The following DOCK3 variants were observed in gnomAD, a reference collection of about 807,000 sequenced individuals.
DOCK3 encodes dedicator of cytokinesis protein 3.
In DOCK3, 60 loss-of-function variants were observed where a neutral mutation model predicts 265.6. The observed-to-expected ratio is 0.23, with a 90% confidence interval of 0.18 to 0.28. The LOEUF (loss-of-function observed/expected upper bound fraction) is 0.28. Among genes scored for constraint, DOCK3 ranks in the 10% least tolerant of loss-of-function variants. The pLI is 1.00. For synonymous variants in DOCK3, 881 were observed against 938.0 expected (o/e 0.94, Z 1.11); for missense variants, 1,981 against 2,594.3 (o/e 0.76, Z 5.14).
At chr3:50,704,049 G>C (rs1470750775) in intron 1 of DOCK3, among the ~76,000 whole-genome samples, 1 of 151,842 alleles carries the variant, frequency 6.6e-6, no homozygotes, top group African/African-American at 2.4e-5. Context: ...GATCATTCAG[G>C]AACATGTTGT....
intron 22 of DOCK3, among the ~76,000 whole-genome samples, chr3:51,250,270 A>T (rs962170508): frequency 6.0e-3 from 8 of 1,334 alleles, no homozygotes; most frequent in Non-Finnish European, 9.7e-3. Flanking sequence ...AATGATCAAT[A>T]AAAAAAAAAA....
chr3:51,174,054 A>G (rs1261639230), intron 12 of DOCK3, among the ~76,000 whole-genome samples: 1 of 152,082 alleles, frequency 6.6e-6, no homozygotes, highest in Non-Finnish European at 1.5e-5. Flanking sequence ...TTTATTCTGC[A>G]TGATTGAGTC....
chr3:50,863,384 AAAT>A (rs748358620), intron 3 of DOCK3: 6 of 517,798 alleles, frequency 1.2e-5, no homozygotes, highest in African/African-American at 1.2e-4. Flanking sequence ...ACAAGTTCCC[AAAT>A]AATCACCAAT....
chr3:50,905,716 A>C (rs1056309398), intron 4 of DOCK3, among the ~76,000 whole-genome samples: 2 of 152,062 alleles, frequency 1.3e-5, no homozygotes, highest in African/African-American at 4.8e-5. Flanking sequence ...AAACAGGGAC[A>C]ATTTGACTTC....
At chr3:51,094,991 CCTG>C (rs1211137912) in intron 9 of DOCK3, among the ~76,000 whole-genome samples, 2 of 150,668 alleles carry the variant, frequency 1.3e-5, no homozygotes, top group Non-Finnish European at 3.0e-5. Context: ...GATTTCAACT[CCTG>C]CTTTTTTTTT....
At chr3:50,905,940 A>G (rs546606863) in intron 4 of DOCK3, among the ~76,000 whole-genome samples, 11 of 152,168 alleles carry the variant, frequency 7.2e-5, no homozygotes, top group African/African-American at 2.7e-4. Flanking sequence ...ACATCCCATC[A>G]ATACCTAATT....
intron 9 of DOCK3, among the ~76,000 whole-genome samples, chr3:51,117,938 A>G (rs2083815114): frequency 6.6e-6 from 1 of 151,976 alleles, no homozygotes; most frequent in Non-Finnish European, 1.5e-5. Context: ...TTTGAAGAGA[A>G]TTTTGTGTCT....
intron 2 of DOCK3, among the ~76,000 whole-genome samples, chr3:50,831,080 A>G (rs2045118969): frequency 6.6e-6 from 1 of 152,198 alleles, no homozygotes; most frequent in Admixed American, 6.6e-5. Context: ...TTAGCATACT[A>G]ATGCATTATA....
chr3:51,001,086 C>A (rs1338421672), intron 5 of DOCK3, among the ~76,000 whole-genome samples: 1 of 152,212 alleles, frequency 6.6e-6, no homozygotes, highest in African/African-American at 2.4e-5. Context: ...TGATCTATTT[C>A]GAATAAAGCA....
chr3:50,910,788 G>A (rs2049812529), intron 4 of DOCK3, among the ~76,000 whole-genome samples: 1 of 152,166 alleles, frequency 6.6e-6, no homozygotes, highest in South Asian at 2.1e-4. Context: ...GATTGGTGGT[G>A]TAGGCAATGT....
intron 4 of DOCK3, chr3:50,900,578 C>T (rs2049136950): frequency 2.9e-6 from 1 of 349,910 alleles, no homozygotes. Flanking sequence ...AATTTTCAGC[C>T]TTTTTATGCT....
Position 51,357,210 on chromosome 3 carries a change from T to C in DOCK3, c.4683+69T>C, listed in dbSNP as rs1324007162. On this transcript the variant is annotated intron_variant, in intron 44 of 52. Coordinates refer to ENST00000266037, the MANE Select transcript of DOCK3 (RefSeq NM_004947.5). ...AGGAAGGCGGCTCACAGGCTTCTCT[T>C]TTCAAGATTATAGTCTCCTTAGGTA... 3.9e-6 allele frequency: 6 copies of C among 1,538,568 alleles called. No individual in the cohort carries two copies. In the South Asian group the frequency reaches 7.5e-5, roughly 19 times the overall value.
intron 12 of DOCK3, among the ~76,000 whole-genome samples, chr3:51,194,111 C>T (rs749366331): frequency 6.6e-6 from 1 of 151,896 alleles, no homozygotes; most frequent in Non-Finnish European, 1.5e-5. Context: ...TTCCTGTTTT[C>T]GTTTATTTTG....
chr3:51,330,254 C>T (rs1277752209), intron 33 of DOCK3, 31 bp downstream of exon 33: 2 of 1,564,448 alleles, frequency 1.3e-6, no homozygotes, highest in Non-Finnish European at 1.7e-6. Context: ...GCACACCACA[C>T]TGGGGGATGG....
At chr3:50,805,654 G>T (rs899451217) in intron 2 of DOCK3, among the ~76,000 whole-genome samples, 15 of 152,178 alleles carry the variant, frequency 9.9e-5, no homozygotes, top group African/African-American at 3.6e-4. Context: ...TCTATCAGGT[G>T]CAGCCCACAG....
At chr3:50,873,087 A>G (rs1575414106) in intron 3 of DOCK3, among the ~76,000 whole-genome samples, 1 of 151,896 alleles carries the variant, frequency 6.6e-6, no homozygotes, top group East Asian at 1.9e-4. Flanking sequence ...TTTCCCCTCC[A>G]CTTGTCTCAG....
chr3:51,107,269 G>C (rs896144895), intron 9 of DOCK3, among the ~76,000 whole-genome samples: 1 of 152,184 alleles, frequency 6.6e-6, no homozygotes, highest in Admixed American at 6.5e-5. Flanking sequence ...AAGAACCAGT[G>C]CAAGAACTCT....
chr3:51,151,943 C>G (rs901143861), intron 10 of DOCK3, among the ~76,000 whole-genome samples: 8 of 152,132 alleles, frequency 5.3e-5, no homozygotes, highest in Admixed American at 2.0e-4. Flanking sequence ...TCCTTCATTT[C>G]AACTTTGGTG....
At chr3:51,150,958 T>A (rs1011138231) in intron 10 of DOCK3, among the ~76,000 whole-genome samples, 4 of 152,198 alleles carry the variant, frequency 2.6e-5, no homozygotes, top group Non-Finnish European at 4.4e-5. Flanking sequence ...CCCATTATTA[T>A]TGTGTGGGAG....
Sources: allele counts gnomAD v4.1 joint callset (sites outside exome capture counted in the v4.1 genomes callset), GRCh38; gene constraint gnomAD v4.1.1; transcripts MANE v1.5; gene names NCBI Gene and HGNC (gene_info 2026-07-23, HGNC 2026-07-21).